SCHIP1: variants seen among roughly 807,000 people sequenced by gnomAD.
The protein encoded by SCHIP1 is schwannomin interacting protein 1, also known as schwannomin-interacting protein 1.
A neutral mutation model predicts 29.7 loss-of-function variants in SCHIP1; 8 were observed. The ratio of observed to expected loss-of-function variants is 0.27; its 90% CI spans 0.16 to 0.49. SCHIP1 has a LOEUF of 0.49. SCHIP1 is among the 20% of genes least tolerant of loss of function. The pLI is 0.99. For synonymous variants in SCHIP1, 76 were observed against 94.9 expected (o/e 0.80, Z 1.16); for missense variants, 193 against 294.6 (o/e 0.66, Z 2.52).
the SCHIP1 span, among the ~76,000 whole-genome samples, chr3:159,567,937 T>G: frequency 6.6e-6 from 1 of 152,180 alleles, no homozygotes; most frequent in Admixed American, 6.5e-5. Flanking sequence ...ACAAATGTGG[T>G]ATATCTTTTC....
chr3:159,550,973 T>A, the SCHIP1 span, among the ~76,000 whole-genome samples: 1 of 152,224 alleles, frequency 6.6e-6, no homozygotes, highest in African/African-American at 2.4e-5. Context: ...CTCAATGAGA[T>A]CTTTTTATTA....
At chr3:159,591,280 T>C in the SCHIP1 span, among the ~76,000 whole-genome samples, 1 of 152,194 alleles carries the variant, frequency 6.6e-6, no homozygotes, top group South Asian at 2.1e-4. Context: ...CTGATTGCCC[T>C]GGCCAGAACT....
At chr3:159,410,410 G>C in the SCHIP1 span, among the ~76,000 whole-genome samples, 1 of 151,928 alleles carries the variant, frequency 6.6e-6, no homozygotes, top group South Asian at 2.1e-4. Flanking sequence ...TAATATATAA[G>C]GAGCTCAAGC....
chr3:159,359,598 A>C, the SCHIP1 span, among the ~76,000 whole-genome samples: 2 of 152,368 alleles, frequency 1.3e-5, no homozygotes, highest in East Asian at 3.9e-4. Flanking sequence ...TAAAATTTCC[A>C]AAATGGAATT....
the SCHIP1 span, among the ~76,000 whole-genome samples, chr3:159,696,885 T>A: frequency 6.1e-3 from 935 of 152,194 alleles, 16 homozygotes; most frequent in South Asian, 9.1e-3. Flanking sequence ...ATAAGTTCAT[T>A]ATTAATGGAG....
the SCHIP1 span, among the ~76,000 whole-genome samples, chr3:159,414,411 C>G: frequency 6.6e-6 from 1 of 151,568 alleles, no homozygotes; most frequent in African/African-American, 2.4e-5. Context: ...AGTAATTGCA[C>G]ATTATTAAGT....
chr3:159,803,175 GTA>G, the SCHIP1 span, among the ~76,000 whole-genome samples: 2 of 145,478 alleles, frequency 1.4e-5, no homozygotes, highest in African/African-American at 2.7e-5. Context: ...TAAAAGGTGT[GTA>G]TGTGTGTGTG....
the SCHIP1 span, among the ~76,000 whole-genome samples, chr3:159,423,169 C>T: frequency 4.6e-5 from 7 of 152,194 alleles, no homozygotes; most frequent in South Asian, 2.1e-4. Context: ...TCTGAGGTAC[C>T]GGGTTCATCT....
chr3:159,840,565 G>A (rs1198076933), intron 1 of SCHIP1, among the ~76,000 whole-genome samples: 5 of 152,164 alleles, frequency 3.3e-5, no homozygotes, highest in Non-Finnish European at 7.3e-5. Context: ...ACTGAAAAAC[G>A]TGATTTTTGC....
chr3:159,849,869 C>G (rs1402165154), intron 1 of SCHIP1, among the ~76,000 whole-genome samples: 1 of 152,196 alleles, frequency 6.6e-6, no homozygotes, highest in African/African-American at 2.4e-5. Context: ...ACATTTTAAG[C>G]AGCACGTTCA....
chr3:159,644,510 TTTC>T, the SCHIP1 span, among the ~76,000 whole-genome samples: 24 of 152,154 alleles, frequency 1.6e-4, no homozygotes, highest in African/African-American at 4.3e-4. Flanking sequence ...TCCTTTTCTC[TTTC>T]TTCTTTTGGA....
At chr3:159,558,538 G>A in the SCHIP1 span, among the ~76,000 whole-genome samples, 1 of 152,118 alleles carries the variant, frequency 6.6e-6, no homozygotes, top group Admixed American at 6.5e-5. Context: ...AGAAGAATTC[G>A]AGGATTACGG....
chr3:159,710,623 A>G, the SCHIP1 span, among the ~76,000 whole-genome samples: 1 of 152,260 alleles, frequency 6.6e-6, no homozygotes, highest in Non-Finnish European at 1.5e-5. Context: ...CAAGGTATAC[A>G]TGTACTAAGA....
At chr3:159,607,897 A>C in the SCHIP1 span, among the ~76,000 whole-genome samples, 2 of 152,224 alleles carry the variant, frequency 1.3e-5, no homozygotes, top group Non-Finnish European at 2.9e-5. Flanking sequence ...AAGGAAAAAA[A>C]GCTGAGTGCC....
chr3:159,496,188 G>T, the SCHIP1 span, among the ~76,000 whole-genome samples: 1 of 152,130 alleles, frequency 6.6e-6, no homozygotes, highest in Non-Finnish European at 1.5e-5. Context: ...CAGGACATAG[G>T]CATGGGCAAG....
At chr3:159,814,009 A>C in the SCHIP1 span, among the ~76,000 whole-genome samples, 4 of 152,160 alleles carry the variant, frequency 2.6e-5, no homozygotes, top group Non-Finnish European at 5.9e-5. Context: ...GGCAGCCCAG[A>C]TCTACAACAC....
the SCHIP1 span, among the ~76,000 whole-genome samples, chr3:159,587,384 T>TAAA: frequency 2.2e-4 from 32 of 146,100 alleles, no homozygotes; most frequent in African/African-American, 7.5e-4. Context: ...ACAATTGCTT[T>TAAA]AAAAAAAAAA....
the SCHIP1 span, among the ~76,000 whole-genome samples, chr3:159,689,463 T>C: frequency 6.6e-6 from 1 of 152,260 alleles, no homozygotes; most frequent in African/African-American, 2.4e-5. Context: ...CCTGAGACTT[T>C]GCTGAAGTTG....
chr3:159,492,811 A>T, the SCHIP1 span, among the ~76,000 whole-genome samples: 1 of 152,162 alleles, frequency 6.6e-6, no homozygotes, highest in African/African-American at 2.4e-5. Flanking sequence ...AGATTCACCA[A>T]AGTTGAAATG....
Sources: gnomAD v4.1 joint callset for allele counts (sites outside exome capture counted in the v4.1 genomes callset) on GRCh38, gnomAD v4.1.1 for gene constraint, MANE v1.5 for transcripts, NCBI Gene and HGNC (gene_info 2026-07-23, HGNC 2026-07-21) for gene names.